LYPD6B: variants seen among roughly 807,000 people sequenced by gnomAD.
LYPD6B encodes LY6/PLAUR domain containing 6B, also known as ly6/PLAUR domain-containing protein 6B.
LYPD6B carries 17 observed loss-of-function variants against 22.8 expected under a neutral mutation model. The ratio of observed to expected loss-of-function variants is 0.75; its 90% CI spans 0.51 to 1.12. The LOEUF (loss-of-function observed/expected upper bound fraction) is 1.12, where lower values mean the gene tolerates loss of function less well. Ranked by LOEUF, LYPD6B falls within the 50% of genes most tolerant of loss-of-function variation. LYPD6B has a pLI of 0.00. For missense variants in LYPD6B, 221 were observed against 258.3 expected (o/e 0.86, Z 0.99); for synonymous variants, 106 against 91.6 (o/e 1.16, Z -0.90).
At chr2:149,094,541 TG>T (rs1299100797) in intron 1 of LYPD6B, among the ~76,000 whole-genome samples, 1 of 152,246 alleles carries the variant, frequency 6.6e-6, no homozygotes, top group Non-Finnish European at 1.5e-5. Context: ...CTGGATGTGG[TG>T]CCTGTTAGAG....
intron 1 of LYPD6B, chr2:149,100,965 A>G (rs1380150465): frequency 6.6e-6 from 1 of 152,074 alleles, no homozygotes; most frequent in Non-Finnish European, 1.5e-5. Context: ...GCTGGAACCA[A>G]CCCTTGTCAA....
At chr2:149,205,989 C>A (rs1693483831) in intron 4 of LYPD6B, 2 of 468,064 alleles carry the variant, frequency 4.3e-6, no homozygotes, top group South Asian at 3.1e-5. Flanking sequence ...TGTTTGTATA[C>A]ATATGTCATT....
rs1334880879 is a variant in LYPD6B at position 149,202,325 on chromosome 2, G to A, written c.78-2928G>A. 2.0e-5 allele frequency among the ~76,000 whole-genome samples: 3 copies of A among 152,238 alleles called. No homozygotes were observed. The South Asian group carries it at 6.2e-4, about 32-fold the overall frequency. On this transcript the variant is annotated intron_variant, in intron 3 of 6. Transcript: ENST00000409642. ...TGTGATCTGGTCCCACCGACTCCCT[G>A]ACTGTCCAGTCCCCTCCTTCGTGTT... is the stretch of plus-strand genomic sequence containing the variant.
At chr2:149,195,459 C>T (rs182723098) in intron 3 of LYPD6B, among the ~76,000 whole-genome samples, 14 of 152,228 alleles carry the variant, frequency 9.2e-5, no homozygotes, top group South Asian at 2.1e-4. Context: ...AGAACTACTG[C>T]GTGTTATTTA....
intron 1 of LYPD6B, chr2:149,119,038 T>C (rs954426042): frequency 2.0e-5 from 3 of 152,374 alleles, no homozygotes; most frequent in South Asian, 4.1e-4. Context: ...GTGTTCTTAA[T>C]ATTATTCAGC....
chr2:149,205,065 G>A, intron 3 of LYPD6B, 188 bp from the exon 4 acceptor site: 2 of 588,108 alleles, frequency 3.4e-6, no homozygotes, highest in Middle Eastern at 4.6e-4. Flanking sequence ...GGCCTGACCA[G>A]TAGAAGGAGG....
At position 149,205,256 on chromosome 2, in the gene LYPD6B, T is replaced by C; in HGVS notation, c.81T>C (p.Tyr27=). Residue 27 remains tyrosine (Y), a synonymous_variant, in exon 4 of 7, where the codon TAT becomes TAC. Coordinates refer to ENST00000409642, the MANE Select transcript of LYPD6B (RefSeq NM_177964.5). ...SLTTTFSFSR[Y]KSSDRPAHKV... ...CCAGTGTGTCTTTTCACCATAGATA[T>C]AAGAGTTCGGACCGCCCAGCACACA... is the stretch of plus-strand genomic sequence containing the variant. 6.2e-7 allele frequency: 1 copy of C among 1,609,950 alleles called. No homozygotes were observed.
chr2:149,202,639 G>A (rs1344100049), intron 3 of LYPD6B, among the ~76,000 whole-genome samples: 1 of 152,098 alleles, frequency 6.6e-6, no homozygotes, highest in African/African-American at 2.4e-5. Flanking sequence ...CCTCTAAAAT[G>A]CAATTTGCAT....
At chr2:149,208,637 A>G (rs1456765437) in intron 5 of LYPD6B, among the ~76,000 whole-genome samples, 1 of 152,210 alleles carries the variant, frequency 6.6e-6, no homozygotes, top group East Asian at 1.9e-4. Context: ...CATAGACCAC[A>G]ATATTAAGTC....
chr2:149,058,386 C>G lies in LYPD6B; in HGVS notation c.-67+19585C>G, dbSNP rs185087998. 3.4e-3 allele frequency among the ~76,000 whole-genome samples: 523 copies of G among 152,334 alleles called. 2 individuals are homozygous for G. The highest frequency in any genetic ancestry group is 0.02 in the Middle Eastern group (6 of 294). Reference sequence around the variant, plus strand: ...CTGATCTCAAAGATCTCTTCTGATTCTTACATTCAGTTGTCTATAACTCTG... The same window carrying G: ...CTGATCTCAAAGATCTCTTCTGATTGTTACATTCAGTTGTCTATAACTCTG... On this transcript the variant is annotated intron_variant, in intron 1 of 6. Coordinates refer to ENST00000409642, the MANE Select transcript of LYPD6B (RefSeq NM_177964.5).
Position 149,205,325 on chromosome 2 carries a change from T to C in LYPD6B, c.150T>C (p.Val50=), listed in dbSNP as rs758362611. 4.3e-6 allele frequency: 7 copies of C among 1,613,920 alleles called. No individual in the cohort carries two copies. In the Admixed American group the frequency reaches 1.0e-4, roughly 23 times the overall value. The change falls in exon 4 of 7, where the codon GTT becomes GTC. Residue 50 remains valine, a synonymous_variant. Transcript: ENST00000409642. ...LLLCHALAIA[V]VQIVIFSESW... is the part of the protein sequence containing the mutation. ...TCTGTCACGCTCTCGCTATAGCTGT[T>C]GTCCAGATCGTTATCTTCTCAGAAA...
chr2:149,138,701 C>T (rs777440221), intron 2 of LYPD6B, among the ~76,000 whole-genome samples: 18 of 152,088 alleles, frequency 1.2e-4, no homozygotes, highest in Admixed American at 3.3e-4. Flanking sequence ...GTACCACACT[C>T]GGCCCATTTT....
intron 1 of LYPD6B, among the ~76,000 whole-genome samples, chr2:149,060,013 G>A (rs560986046): frequency 2.0e-5 from 3 of 152,024 alleles, no homozygotes; most frequent in East Asian, 3.9e-4. Flanking sequence ...TGAGGGAGGG[G>A]TAGGGAGGGA....
chr2:149,191,497 T>G (rs764853829), intron 3 of LYPD6B, among the ~76,000 whole-genome samples: 6 of 152,206 alleles, frequency 3.9e-5, no homozygotes, highest in Admixed American at 3.9e-4. Context: ...CTTATATGTA[T>G]TTGAGTCTAT....
intron 1 of LYPD6B, among the ~76,000 whole-genome samples, chr2:149,060,491 T>C (rs1684026785): frequency 1.3e-5 from 2 of 152,222 alleles, no homozygotes; most frequent in African/African-American, 4.8e-5. Flanking sequence ...AGTTAACTGG[T>C]GTAATAATAC....
chr2:149,101,426 A>G (rs1053173573), intron 1 of LYPD6B: 1 of 152,316 alleles, frequency 6.6e-6, no homozygotes. Context: ...CCTAAAAGAC[A>G]CTGAATTATG....
chr2:149,134,934 A>T (rs1688264146), intron 2 of LYPD6B, among the ~76,000 whole-genome samples: 1 of 152,194 alleles, frequency 6.6e-6, no homozygotes, highest in African/African-American at 2.4e-5. Flanking sequence ...ATTTAAAGCA[A>T]CCATCAACTC....
At chr2:149,131,793 C>T (rs1688047088) in intron 2 of LYPD6B, among the ~76,000 whole-genome samples, 1 of 152,096 alleles carries the variant, frequency 6.6e-6, no homozygotes, top group South Asian at 2.1e-4. Context: ...AATTTCCAAA[C>T]ATAAAGCAAA....
At chr2:149,041,272 G>A (rs1311063886) in intron 1 of LYPD6B, among the ~76,000 whole-genome samples, 1 of 152,134 alleles carries the variant, frequency 6.6e-6, no homozygotes. Context: ...CTCTTTGGTG[G>A]CTTCTAGAAA....
Sources: allele counts gnomAD v4.1 joint callset (sites outside exome capture counted in the v4.1 genomes callset), GRCh38; gene constraint gnomAD v4.1.1; transcripts MANE v1.5; gene names NCBI Gene and HGNC (gene_info 2026-07-23, HGNC 2026-07-21).